Variants in PCDHGA8 observed in about 807,000 individuals in gnomAD.
PCDHGA8 encodes the protein protocadherin gamma-A8.
In PCDHGA8, 45 loss-of-function variants were observed where a neutral mutation model predicts 59.2. The ratio of observed to expected loss-of-function variants is 0.76; its 90% CI spans 0.60 to 0.98. The LOEUF (loss-of-function observed/expected upper bound fraction) is 0.98, where lower values mean the gene tolerates loss of function less well. Ranked by LOEUF, PCDHGA8 falls within the 50% of genes least tolerant of loss-of-function variation. The probability of loss-of-function intolerance (pLI) is 0.00; values close to 1 mark genes in which losing one functional copy is unlikely to be tolerated. For missense variants in PCDHGA8, 1,257 were observed against 1,196.2 expected, an observed-to-expected ratio of 1.05 and a Z score of -0.75; for synonymous variants, 531 against 519.0, an observed-to-expected ratio of 1.02 and a Z score of -0.32.
At chr5:141,403,378 T>G in intron 1 of PCDHGA8, 5 of 1,614,002 alleles carry the variant, frequency 3.1e-6, no homozygotes, top group Non-Finnish European at 4.2e-6. Context: ...AAGTAAAAAT[T>G]AACGAAATCG....
rs2099396190 is a variant in PCDHGA8 at position 141,476,685 on chromosome 5, G to A, written c.2425-18122G>A. On this transcript the variant is annotated intron_variant, in intron 1 of 3. Coordinates refer to ENST00000398604, the MANE Select transcript of PCDHGA8 (RefSeq NM_032088.2). This position sits in a 1 kb window ranked among gnomAD's most constrained non-coding sequence, Gnocchi z 7.6. ...CTTCGCGTGCAGACGCGGGAGGACA[G>A]CACCAAGTACGCGGAGCTGGTGTTG... 3.1e-6 allele frequency: 5 copies of A among 1,614,102 alleles called. No homozygotes were observed.
Position 141,399,953 on chromosome 5 carries a change from A to G in PCDHGA8, c.2424+4716A>G, listed in dbSNP as rs1257117587. ...TCCTACCACGTGCTGCAGGCTAGCGAGCCCGGGCTCTTCAGCCTGGGGCTG... is the reference window on the plus strand; with the variant it reads ...TCCTACCACGTGCTGCAGGCTAGCGGGCCCGGGCTCTTCAGCCTGGGGCTG... On this transcript the variant is annotated intron_variant, in intron 1 of 3. Coordinates refer to ENST00000398604, the MANE Select transcript of PCDHGA8 (RefSeq NM_032088.2). The G allele has an allele frequency of 2.5e-5, 40 of 1,612,030 alleles. 1 individual carries two copies. Among genetic ancestry groups the G allele is most frequent in the Non-Finnish European group, 3.4e-5 (40 of 1,179,690 alleles).
chr5:141,422,222 C>A (rs1453283842), intron 1 of PCDHGA8: 2 of 1,564,972 alleles, frequency 1.3e-6, no homozygotes, highest in South Asian at 1.2e-5. Flanking sequence ...TTTACCACCA[C>A]GACGATGTTG....
Position 141,490,731 on chromosome 5 carries a change from G to A in PCDHGA8, c.2425-4076G>A, listed in dbSNP as rs139283997. The A allele has an allele frequency of 6.8e-6, 11 of 1,614,080 alleles. No homozygotes were observed. In the African/African-American group the frequency reaches 1.1e-4, roughly 16 times the overall value. Reference sequence around the variant, plus strand: ...TCACCTACTCCATTGTAGGAAATCAGGTTCAGGGAGCCCCAGCCTCCTCCT... The same window carrying A: ...TCACCTACTCCATTGTAGGAAATCAAGTTCAGGGAGCCCCAGCCTCCTCCT... On this transcript the variant is annotated intron_variant, in intron 1 of 3. Transcript: ENST00000398604. The surrounding 1 kb of genome is among the most constrained non-coding windows in gnomAD (Gnocchi z 5.4).
intron 1 of PCDHGA8, chr5:141,408,782 T>A: frequency 6.2e-7 from 1 of 1,612,108 alleles, no homozygotes. Context: ...ATACCCAGAG[T>A]TATCTCTGGA....
At chr5:141,436,335 A>T (rs2097814208) in intron 1 of PCDHGA8, among the ~76,000 whole-genome samples, 1 of 152,172 alleles carries the variant, frequency 6.6e-6, no homozygotes, top group African/African-American at 2.4e-5. Flanking sequence ...ACCATATCTC[A>T]AATATCAGTG....
At chr5:141,410,195 G>C (rs769655902) in intron 1 of PCDHGA8, 1 of 1,613,966 alleles carries the variant, frequency 6.2e-7, no homozygotes, top group South Asian at 1.1e-5. Flanking sequence ...TCTGGTCTTC[G>C]CAGACAACTT....
intron 1 of PCDHGA8, among the ~76,000 whole-genome samples, chr5:141,466,614 G>A (rs75804312): frequency 1.4e-3 from 218 of 152,142 alleles, no homozygotes; most frequent in Middle Eastern, 6.8e-3. Context: ...GTAAACTGCC[G>A]TTTTCTTTGG....
Position 141,476,129 on chromosome 5 carries a change from G to A in PCDHGA8, c.2425-18678G>A. ...GCTTTTGAGTGAGATGGTCCCAGAG[G>A]CCTGGAGGAGCGGACTGGTAAGCAC... On this transcript the variant is annotated intron_variant, in intron 1 of 3. Transcript: ENST00000398604. This position sits in a 1 kb window ranked among gnomAD's most constrained non-coding sequence, Gnocchi z 7.6. The A allele has an allele frequency of 6.2e-7, 1 of 1,606,848 alleles. No homozygotes were observed. The highest frequency in any genetic ancestry group is 8.5e-7 in the Non-Finnish European group (1 of 1,177,814).
At chr5:141,502,864 G>GTTTTTTTT in intron 2 of PCDHGA8, among the ~76,000 whole-genome samples, 3 of 61,566 alleles carry the variant, frequency 4.9e-5, no homozygotes, top group African/African-American at 2.4e-4. Context: ...CTGACTCTCT[G>GTTTTTTTT]TCTTTTTTTT....
chr5:141,460,278 G>C (rs1380767218), intron 1 of PCDHGA8, among the ~76,000 whole-genome samples: 1 of 151,964 alleles, frequency 6.6e-6, no homozygotes, highest in African/African-American at 2.4e-5. Context: ...TTCTTTTATA[G>C]TTTGTATTTC....
chr5:141,435,181 T>C (rs1249878603), intron 1 of PCDHGA8, among the ~76,000 whole-genome samples: 1 of 152,184 alleles, frequency 6.6e-6, no homozygotes, highest in African/African-American at 2.4e-5. Context: ...TTAACTACAC[T>C]TGAGATGGCT....
chr5:141,455,860 ATTAT>A (rs145569377), intron 1 of PCDHGA8, among the ~76,000 whole-genome samples: 54,169 of 139,612 alleles, frequency 0.39, 10,686 homozygotes, highest in Admixed American at 0.44. Context: ...AATTTCTTTT[ATTAT>A]TTATTTATTT....
chr5:141,415,301 T>C, intron 1 of PCDHGA8: 1 of 1,614,230 alleles, frequency 6.2e-7, no homozygotes, highest in South Asian at 1.1e-5. Context: ...TGCGTCTTCC[T>C]GGCCTTCGTC....
intron 1 of PCDHGA8, chr5:141,423,323 C>T (rs200492485): frequency 6.2e-7 from 1 of 1,614,146 alleles, no homozygotes; most frequent in East Asian, 2.2e-5. Flanking sequence ...GTGGCGGTGG[C>T]CGCAGTCTCC....
Position 141,491,248 on chromosome 5 carries a change from G to T in PCDHGA8, c.2425-3559G>T, listed in dbSNP as rs757712577. On this transcript the variant is annotated intron_variant, in intron 1 of 3. Transcript: ENST00000398604. The surrounding 1 kb of genome is among the most constrained non-coding windows in gnomAD (Gnocchi z 6.9). ...AGTGCTGCTGGTTCTGGAGGATGAG[G>T]ACCCTGAGGAAATGCCCAAATCCAG... 3 of 1,614,170 alleles carry T rather than the reference G, an allele frequency of 1.9e-6. No individual in the cohort carries two copies. Among genetic ancestry groups the T allele is most frequent in the Non-Finnish European group, 2.5e-6 (3 of 1,180,018 alleles).
chr5:141,413,747 A>C, intron 1 of PCDHGA8: 1 of 1,613,348 alleles, frequency 6.2e-7, no homozygotes. Flanking sequence ...AGCCGTGCCA[A>C]TGGCGTCAAG....
At chr5:141,488,705 G>C (rs1024064135) in intron 1 of PCDHGA8, among the ~76,000 whole-genome samples, 8 of 152,200 alleles carry the variant, frequency 5.3e-5, no homozygotes, top group Non-Finnish European at 1.2e-4. Context: ...AGATTTTGCT[G>C]GTTCAAGCAA....
At chr5:141,482,876 AGCCTG>A (rs2099574018) in intron 1 of PCDHGA8, among the ~76,000 whole-genome samples, 1 of 152,142 alleles carries the variant, frequency 6.6e-6, no homozygotes, top group Admixed American at 6.5e-5. Flanking sequence ...GTTTGAAACC[AGCCTG>A]GCCAACATGG....
Sources: allele counts gnomAD v4.1 joint callset (sites outside exome capture counted in the v4.1 genomes callset), GRCh38; gene constraint gnomAD v4.1.1; non-coding constraint Gnocchi (gnomAD v3.1); transcripts MANE v1.5; gene names NCBI Gene and HGNC (gene_info 2026-07-23, HGNC 2026-07-21).